TCAIM: variants seen among roughly 807,000 people sequenced by gnomAD.
The protein encoded by TCAIM is T cell activation inhibitor, mitochondrial.
TCAIM carries 36 observed loss-of-function variants against 58.6 expected under a neutral mutation model. That is an observed-to-expected ratio of 0.61 (90% CI 0.47 to 0.81). TCAIM has a LOEUF of 0.81. TCAIM is among the 30% of genes least tolerant of loss of function. TCAIM has a pLI of 0.00. For synonymous variants in TCAIM, 172 were observed against 193.6 expected (o/e 0.89, Z 0.93); for missense variants, 466 against 579.6 (o/e 0.80, Z 2.01).
At chr3:44,361,644 T>C (rs182038497) in intron 4 of TCAIM, 126 bp downstream of exon 4, 30 of 989,218 alleles carry the variant, frequency 3.0e-5, no homozygotes, top group Non-Finnish European at 3.9e-5. Flanking sequence ...ATTTAATTGA[T>C]TGTTTTCCTA....
intron 3 of TCAIM, chr3:44,358,518 T>C (rs1701241591): frequency 2.2e-6 from 1 of 453,952 alleles, no homozygotes; most frequent in East Asian, 4.2e-5. Context: ...CATTATTCCC[T>C]GAACAACACA....
At chr3:44,367,370 A>G (rs2125637675) in intron 4 of TCAIM, 86 bp from the exon 5 acceptor site, 3 of 1,210,100 alleles carry the variant, frequency 2.5e-6, no homozygotes, top group Admixed American at 6.8e-5. Context: ...CAGTAATAGA[A>G]TGTTTAAAAG....
Position 44,378,796 on chromosome 3 carries a change from C to CAA in TCAIM, c.572+11102_572+11103dup, listed in dbSNP as rs777858437. On this transcript the variant is annotated intron_variant, in intron 5 of 10. Coordinates refer to ENST00000342649, the MANE Select transcript of TCAIM (RefSeq NM_173826.4). Reference sequence around the variant, plus strand: ...ACGGCAACAGAGCGAGACTCTGTCTCAAAAAAAAAAAAAAATGCAAATTAA... The same window carrying CAA: ...ACGGCAACAGAGCGAGACTCTGTCTCAAAAAAAAAAAAAAAAATGCAAATTAA... Among the ~76,000 whole-genome samples the CAA allele has an allele frequency of 9.0e-3, 1,092 of 121,654 alleles. 26 individuals are homozygous for CAA. The highest frequency in any genetic ancestry group is 0.069 in the Admixed American group (812 of 11,750). The allele number at this position is 121,654 out of a possible 152,430, so 79.8% of individuals were successfully genotyped here. A position where few individuals can be genotyped will look rare whatever the true frequency, so the allele number is the denominator to read the frequency against.
Position 44,367,553 on chromosome 3 carries a change from A to G in TCAIM, c.417A>G (p.Gln139=). ...NSCSLSVEHI[Q]SLNTNMHTQP... Reference sequence around the variant, plus strand: ...GCAGTTTATCTGTTGAACATATCCAAAGCTTGAATACTAATATGCATACCC... The same window carrying G: ...GCAGTTTATCTGTTGAACATATCCAGAGCTTGAATACTAATATGCATACCC... The change falls in exon 5 of 11, where the codon CAA becomes CAG. Residue 139 remains glutamine (Q), a synonymous_variant. Coordinates refer to ENST00000342649, the MANE Select transcript of TCAIM (RefSeq NM_173826.4). 6.2e-7 allele frequency: 1 copy of G among 1,614,108 alleles called. No individual in the cohort carries two copies. Among genetic ancestry groups the G allele is most frequent in the Non-Finnish European group, 8.5e-7 (1 of 1,180,000 alleles).
intron 4 of TCAIM, chr3:44,362,556 A>G: frequency 5.0e-6 from 2 of 398,030 alleles, no homozygotes; most frequent in East Asian, 7.2e-5. Flanking sequence ...ATAATTGAAT[A>G]TGGGAGATCA....
chr3:44,362,234 T>C (rs1441224007), intron 4 of TCAIM, among the ~76,000 whole-genome samples: 1 of 152,186 alleles, frequency 6.6e-6, no homozygotes, highest in Non-Finnish European at 1.5e-5. Context: ...AAACAAACTG[T>C]TATAAAACTC....
chr3:44,407,871 C>T lies in TCAIM; in HGVS notation c.*189C>T. On this transcript the variant is annotated 3_prime_UTR_variant, in exon 11 of 11. Transcript: ENST00000342649. The stretch of plus-strand genomic sequence containing the variant: ...GTTTTATATGCCAGGCGTGGTGGCT[C>T]ATGCCTGCGGTCCCAGCTACTTAGG... 5.2e-6 allele frequency: 3 copies of T among 572,304 alleles called. No homozygotes were observed. The highest frequency in any genetic ancestry group is 5.0e-4 in the Middle Eastern group (1 of 1,994). 35.5% of individuals were successfully genotyped at this position (572,304 alleles called of 1,614,324 possible). A position where few individuals can be genotyped will look rare whatever the true frequency, so the allele number is the denominator to read the frequency against.
chr3:44,386,062 A>G (rs1187884380), intron 5 of TCAIM, among the ~76,000 whole-genome samples: 1 of 151,802 alleles, frequency 6.6e-6, no homozygotes, highest in Non-Finnish European at 1.5e-5. Context: ...ATTTGCAGGA[A>G]TAGGGCCAGG....
At position 44,357,895 on chromosome 3, in the gene TCAIM, T is replaced by G; in HGVS notation, c.165+19T>G. 1 of 1,611,270 alleles carries G rather than the reference T, an allele frequency of 6.2e-7. No homozygotes were observed. The highest frequency in any genetic ancestry group is 1.1e-5 in the South Asian group (1 of 90,380). ...AGAAAGGGTAAACATTTATTTATTT[T>G]TAAACCATTAGTGTACATTTCTGCT... On this transcript the variant is annotated intron_variant, in intron 3 of 10. Transcript: ENST00000342649.
At chr3:44,352,040 TGTTA>T (rs1345159889) in intron 1 of TCAIM, among the ~76,000 whole-genome samples, 37 of 149,424 alleles carry the variant, frequency 2.5e-4, no homozygotes, top group African/African-American at 6.8e-4. Context: ...ATATATTATA[TGTTA>T]GTTATATATG....
chr3:44,367,596 A>G lies in TCAIM; in HGVS notation c.460A>G (p.Lys154Glu). ...GCATACCCAGCCTCTCAAAGAAGCT[A>G]AAAGGATGCCTGACAGGCCCATCAA... ...NMHTQPLKEAKRMPDRPIKWD... is the reference protein window; with the variant it reads ...NMHTQPLKEAERMPDRPIKWD... Residue 154 changes from lysine to glutamate, a missense_variant, in exon 5 of 11, where the codon AAA becomes GAA. By Grantham distance (56) the Lys-to-Glu change is moderately conservative. Transcript: ENST00000342649. 1 of 1,614,144 alleles carries G rather than the reference A, an allele frequency of 6.2e-7. No individual in the cohort carries two copies. The highest frequency in any genetic ancestry group is 8.5e-7 in the Non-Finnish European group (1 of 1,180,014).
intron 2 of TCAIM, 134 bp downstream of exon 2, chr3:44,354,945 A>G: frequency 9.4e-7 from 1 of 1,062,932 alleles, no homozygotes; most frequent in South Asian, 1.7e-5. Flanking sequence ...ACAAAAAGAA[A>G]GAAAATTTAT....
At position 44,392,948 on chromosome 3, in the gene TCAIM, G is replaced by A; in HGVS notation, c.666G>A (p.Leu222=). ...RKELDRLKDE[L]SHQLQLSDIR... is the part of the protein sequence containing the mutation. ...AACTAGATCGTTTAAAAGATGAACTGTCTCATCAATTGCAACTCTCAGATA... is the reference window on the plus strand; with the variant it reads ...AACTAGATCGTTTAAAAGATGAACTATCTCATCAATTGCAACTCTCAGATA... The change falls in exon 6 of 11, where the codon CTG becomes CTA. Residue 222 remains leucine, a synonymous_variant. Transcript: ENST00000342649. The A allele has an allele frequency of 6.2e-7, 1 of 1,612,462 alleles. No individual in the cohort carries two copies. The highest frequency in any genetic ancestry group is 1.1e-5 in the South Asian group (1 of 90,838).
At chr3:44,403,739 T>C (rs375649775) in intron 10 of TCAIM, among the ~76,000 whole-genome samples, 1 of 152,166 alleles carries the variant, frequency 6.6e-6, no homozygotes, top group Non-Finnish European at 1.5e-5. Context: ...ATGAATCATC[T>C]TGATTCCTCT....
rs1376239893 is a variant in TCAIM at position 44,407,784 on chromosome 3, A to G, written c.*102A>G. The G allele has an allele frequency of 3.3e-6, 4 of 1,220,192 alleles. No individual in the cohort carries two copies. Among genetic ancestry groups the G allele is most frequent in the African/African-American group, 3.1e-5 (2 of 63,852 alleles). The allele number at this position is 1,220,192 out of a possible 1,614,324, so 75.6% of individuals were successfully genotyped here. ...TAACAGTATTATTTACATAAGAACA[A>G]AGTTTCTAACTGCTGCTTTAAAAGT... On this transcript the variant is annotated 3_prime_UTR_variant, in exon 11 of 11. Coordinates refer to ENST00000342649, the MANE Select transcript of TCAIM (RefSeq NM_173826.4).
At chr3:44,382,603 T>C (rs1400614189) in intron 5 of TCAIM, among the ~76,000 whole-genome samples, 1 of 152,138 alleles carries the variant, frequency 6.6e-6, no homozygotes, top group East Asian at 1.9e-4. Flanking sequence ...AAAATGGATC[T>C]TTGACTGAAA....
At chr3:44,384,011 A>G (rs997627649) in intron 5 of TCAIM, among the ~76,000 whole-genome samples, 22 of 152,094 alleles carry the variant, frequency 1.4e-4, no homozygotes, top group Non-Finnish European at 5.9e-5. Flanking sequence ...TAAAATCAGC[A>G]TTTTTAAAAA....
intron 10 of TCAIM, among the ~76,000 whole-genome samples, chr3:44,404,924 G>T (rs1702077023): frequency 6.6e-6 from 1 of 151,980 alleles, no homozygotes; most frequent in African/African-American, 2.4e-5. Flanking sequence ...TGCTCACAGG[G>T]TCCTCACAGT....
At position 44,408,983 on chromosome 3, in the gene TCAIM, G is replaced by A. The variant is rs1702142399; in HGVS notation, c.*1301G>A. ...TTCAGGTCATTTCTGAAGAGGACAAGGTGAATCTTGGCTTGGAACACCATT... is the reference window on the plus strand; with the variant it reads ...TTCAGGTCATTTCTGAAGAGGACAAAGTGAATCTTGGCTTGGAACACCATT... On this transcript the variant is annotated 3_prime_UTR_variant, in exon 11 of 11. Transcript: ENST00000342649. 1.3e-5 allele frequency: 2 copies of A among 152,130 alleles called. No homozygotes were observed. The highest frequency in any genetic ancestry group is 4.1e-4 in the South Asian group (2 of 4,830). The allele number at this position is 152,130 out of a possible 1,614,324, so 9.4% of individuals were successfully genotyped here.
Sources: allele counts gnomAD v4.1 joint callset (sites outside exome capture counted in the v4.1 genomes callset), GRCh38; gene constraint gnomAD v4.1.1; transcripts MANE v1.5; gene names NCBI Gene and HGNC (gene_info 2026-07-23, HGNC 2026-07-21).